Variants in ERC2 observed in about 807,000 individuals in gnomAD.
The protein encoded by ERC2 is ELKS/RAB6-interacting/CAST family member 2.
In ERC2, 42 loss-of-function variants were observed where a neutral mutation model predicts 114.8. The ratio of observed to expected loss-of-function variants is 0.37; its 90% CI spans 0.29 to 0.47. The LOEUF (loss-of-function observed/expected upper bound fraction) is 0.47, where lower values mean the gene tolerates loss of function less well. ERC2 is among the 20% of genes least tolerant of loss of function. The pLI is 0.99. For synonymous variants in ERC2, 454 were observed against 425.5 expected, an observed-to-expected ratio of 1.07 and a Z score of -0.82; for missense variants, 939 against 1,150.7, an observed-to-expected ratio of 0.82 and a Z score of 2.66.
At chr3:55,901,857 C>T (rs2064153473) in intron 13 of ERC2, among the ~76,000 whole-genome samples, 1 of 152,160 alleles carries the variant, frequency 6.6e-6, no homozygotes, top group South Asian at 2.1e-4. Flanking sequence ...GCCATCTAGT[C>T]CCAAGGATGA....
intron 17 of ERC2, among the ~76,000 whole-genome samples, chr3:55,630,389 G>A (rs867559677): frequency 8.5e-5 from 13 of 152,110 alleles, no homozygotes; most frequent in South Asian, 2.1e-4. Flanking sequence ...GGCTGGTCTC[G>A]AACTCCCAAC....
intron 6 of ERC2, among the ~76,000 whole-genome samples, chr3:56,103,377 A>G (rs1439447680): frequency 6.6e-6 from 1 of 152,124 alleles, no homozygotes; most frequent in Non-Finnish European, 1.5e-5. Context: ...TGCCCGCGAG[A>G]AGAAGCACTC....
intron 14 of ERC2, among the ~76,000 whole-genome samples, chr3:55,775,536 C>CAAAATAAA (rs2068527891): frequency 2.4e-5 from 1 of 40,868 alleles, no homozygotes; most frequent in Non-Finnish European, 5.6e-5. Flanking sequence ...GACCCTGTCT[C>CAAAATAAA]AAAATAAATA....
chr3:56,305,849 TTTTG>T (rs746302881), intron 2 of ERC2, among the ~76,000 whole-genome samples: 3 of 147,454 alleles, frequency 2.0e-5, no homozygotes, highest in African/African-American at 7.4e-5. Flanking sequence ...ATTGTCTTTT[TTTTG>T]TTTGTTTGTT....
At chr3:56,225,554 A>T (rs183739262) in intron 3 of ERC2, among the ~76,000 whole-genome samples, 1 of 152,186 alleles carries the variant, frequency 6.6e-6, no homozygotes, top group Non-Finnish European at 1.5e-5. Flanking sequence ...GAGATACCCA[A>T]TCATAGAATT....
At chr3:55,544,181 G>A (rs550070402) in intron 17 of ERC2, among the ~76,000 whole-genome samples, 1 of 152,156 alleles carries the variant, frequency 6.6e-6, no homozygotes, top group Non-Finnish European at 1.5e-5. Flanking sequence ...AAGCACCTAA[G>A]TCTAGGCCTC....
At chr3:55,762,679 T>C (rs772346163) in intron 14 of ERC2, among the ~76,000 whole-genome samples, 2 of 152,138 alleles carry the variant, frequency 1.3e-5, no homozygotes, top group Non-Finnish European at 2.9e-5. Context: ...TGTGGCTCAG[T>C]CTTACTGACA....
At chr3:55,669,972 T>C (rs1306224051) in intron 17 of ERC2, among the ~76,000 whole-genome samples, 1 of 152,232 alleles carries the variant, frequency 6.6e-6, no homozygotes, top group African/African-American at 2.4e-5. Context: ...GTGATCAATG[T>C]AGAGTAGGTA....
At chr3:56,405,242 G>C (rs1368933809) in intron 2 of ERC2, among the ~76,000 whole-genome samples, 1 of 152,094 alleles carries the variant, frequency 6.6e-6, no homozygotes, top group African/African-American at 2.4e-5. Context: ...TCAGGAGTTT[G>C]AGACCAGCCT....
intron 3 of ERC2, among the ~76,000 whole-genome samples, chr3:56,270,632 T>C (rs775275014): frequency 2.0e-5 from 3 of 152,214 alleles, no homozygotes; most frequent in Non-Finnish European, 4.4e-5. Flanking sequence ...AATTTTTTCA[T>C]TTCTTCTACA....
chr3:55,789,365 C>G (rs1330163463), intron 14 of ERC2, among the ~76,000 whole-genome samples: 1 of 152,202 alleles, frequency 6.6e-6, no homozygotes, highest in African/African-American at 2.4e-5. Context: ...AGTATCAACA[C>G]CATCAGCCTT....
At chr3:56,381,161 G>A (rs957830848) in intron 2 of ERC2, among the ~76,000 whole-genome samples, 6 of 152,148 alleles carry the variant, frequency 3.9e-5, no homozygotes, top group Admixed American at 3.3e-4. Context: ...TCATGAGGAA[G>A]TCTACTTTTT....
intron 2 of ERC2, among the ~76,000 whole-genome samples, chr3:56,347,126 G>A (rs2058341386): frequency 6.6e-6 from 1 of 152,164 alleles, no homozygotes; most frequent in South Asian, 2.1e-4. Flanking sequence ...TAGACAAGAT[G>A]AAAACCTGGA....
chr3:56,236,784 G>T (rs1385898907), intron 3 of ERC2, among the ~76,000 whole-genome samples: 1 of 152,122 alleles, frequency 6.6e-6, no homozygotes, highest in African/African-American at 2.4e-5. Flanking sequence ...CACTAGTTTT[G>T]CTGGGAATAG....
At chr3:56,425,679 T>C (rs2061545030) in intron 2 of ERC2, among the ~76,000 whole-genome samples, 1 of 151,984 alleles carries the variant, frequency 6.6e-6, no homozygotes, top group African/African-American at 2.4e-5. Flanking sequence ...GTAAGGTCCT[T>C]TAAGATTTCA....
intron 6 of ERC2, among the ~76,000 whole-genome samples, chr3:56,104,696 C>A (rs1266548288): frequency 2.6e-5 from 4 of 151,408 alleles, no homozygotes; most frequent in Non-Finnish European, 5.9e-5. Flanking sequence ...AGCTAAAGTA[C>A]CCAGCTGTAC....
rs373221988 is a variant in ERC2, at chr3:55,584,760, CAG to C, written c.*40-73486_*40-73485del. On this transcript the variant is annotated intron_variant, in intron 17 of 17. Transcript: ENST00000288221. ...GTGTGTGGGCAAGGATAACATAAGA[CAG>C]AGAGTGGCACCTCCCGAACTGAGAA... Among the ~76,000 whole-genome samples, 338 of 152,306 alleles carry C rather than the reference CAG, an allele frequency of 2.2e-3. 1 individual carries two copies. Among genetic ancestry groups the C allele is most frequent in the Middle Eastern group, 0.014 (4 of 294 alleles).
chr3:55,781,496 G>GT (rs1423429765), intron 14 of ERC2, among the ~76,000 whole-genome samples: 3 of 146,854 alleles, frequency 2.0e-5, no homozygotes, highest in East Asian at 2.1e-4. Context: ...TTTTAAAAAT[G>GT]GTTTTTTTTT....
At chr3:55,610,070 A>AC (rs2058831117) in intron 17 of ERC2, among the ~76,000 whole-genome samples, 2 of 149,928 alleles carry the variant, frequency 1.3e-5, no homozygotes, top group Non-Finnish European at 3.0e-5. Flanking sequence ...CAAACAAAAA[A>AC]AAAAAAAAAA....
Sources: gnomAD v4.1 joint callset for allele counts (sites outside exome capture counted in the v4.1 genomes callset) on GRCh38, gnomAD v4.1.1 for gene constraint, MANE v1.5 for transcripts, NCBI Gene and HGNC (gene_info 2026-07-23, HGNC 2026-07-21) for gene names.